Variants in INPP4B observed in about 807,000 individuals in gnomAD.
The protein encoded by INPP4B is inositol polyphosphate-4-phosphatase type II B.
INPP4B carries 55 observed loss-of-function variants against 122.5 expected under a neutral mutation model. The observed-to-expected ratio is 0.45, with a 90% CI of 0.36 to 0.56. The LOEUF (loss-of-function observed/expected upper bound fraction) is 0.56. INPP4B is among the 20% of genes least tolerant of loss of function. The pLI, the probability that INPP4B is intolerant of heterozygous loss-of-function variation, is 0.00. For synonymous variants in INPP4B, 403 were observed against 388.7 expected, an observed-to-expected ratio of 1.04 and a Z score of -0.43; for missense variants, 1,000 against 1,097.7, an observed-to-expected ratio of 0.91 and a Z score of 1.26.
chr4:142,492,768 A>G (rs920271385), intron 2 of INPP4B, among the ~76,000 whole-genome samples: 3 of 152,196 alleles, frequency 2.0e-5, no homozygotes, highest in African/African-American at 7.2e-5. Flanking sequence ...TCAGGATGCA[A>G]TAGAAAAGAA....
intron 15 of INPP4B, among the ~76,000 whole-genome samples, chr4:142,180,759 A>C (rs931432283): frequency 6.6e-6 from 1 of 152,184 alleles, no homozygotes; most frequent in African/African-American, 2.4e-5. Context: ...AAATTTGGAA[A>C]AATTAAAATG....
chr4:142,465,320 C>A (rs919381677), intron 2 of INPP4B, among the ~76,000 whole-genome samples: 1 of 151,974 alleles, frequency 6.6e-6, no homozygotes, highest in Non-Finnish European at 1.5e-5. Context: ...TTACTAAAAC[C>A]CAATGAAGTG....
chr4:142,814,704 T>C (rs891720300), intron 1 of INPP4B, among the ~76,000 whole-genome samples: 4 of 152,084 alleles, frequency 2.6e-5, no homozygotes, highest in Admixed American at 6.6e-5. Context: ...TAAAGTAGTA[T>C]GCAATTATAA....
chr4:142,156,729 T>C (rs1237135960), intron 17 of INPP4B, among the ~76,000 whole-genome samples: 1 of 152,098 alleles, frequency 6.6e-6, no homozygotes, highest in Non-Finnish European at 1.5e-5. Flanking sequence ...ACAAAACAAG[T>C]TGAAAAGAGA....
intron 1 of INPP4B, among the ~76,000 whole-genome samples, chr4:142,788,760 T>C (rs577303337): frequency 3.3e-5 from 5 of 152,244 alleles, no homozygotes; most frequent in African/African-American, 1.2e-4. Flanking sequence ...AGAATAATAG[T>C]CTCCAATCTC....
intron 18 of INPP4B, among the ~76,000 whole-genome samples, chr4:142,144,141 C>T (rs187909961): frequency 1.1e-4 from 17 of 151,484 alleles, no homozygotes; most frequent in East Asian, 2.0e-4. Context: ...TCTAATCTTA[C>T]GGCTGATTTA....
At chr4:142,710,449 A>G (rs1314530555) in intron 2 of INPP4B, among the ~76,000 whole-genome samples, 7 of 152,204 alleles carry the variant, frequency 4.6e-5, no homozygotes, top group Non-Finnish European at 1.5e-5. Flanking sequence ...ACATATGATC[A>G]TGTTTTTGAA....
intron 2 of INPP4B, among the ~76,000 whole-genome samples, chr4:142,517,379 A>C (rs561708388): frequency 6.6e-6 from 1 of 152,224 alleles, no homozygotes; most frequent in Admixed American, 6.5e-5. Flanking sequence ...GCCTTGGTTC[A>C]GGTGTTGTAA....
chr4:142,620,766 C>A (rs1173370407), intron 2 of INPP4B, among the ~76,000 whole-genome samples: 1 of 151,938 alleles, frequency 6.6e-6, no homozygotes, highest in Non-Finnish European at 1.5e-5. Context: ...TTCAAGTTTT[C>A]AGATTTTGTT....
chr4:142,613,387 A>G (rs112398238), intron 2 of INPP4B, among the ~76,000 whole-genome samples: 3 of 152,344 alleles, frequency 2.0e-5, no homozygotes, highest in African/African-American at 4.8e-5. Context: ...AGGATATACA[A>G]TAAAATAGTT....
chr4:142,626,382 A>G (rs1746405951), intron 2 of INPP4B, among the ~76,000 whole-genome samples: 2 of 151,988 alleles, frequency 1.3e-5, no homozygotes, highest in Admixed American at 6.6e-5. Context: ...ATTTGACATG[A>G]GAGATTCTCC....
chr4:142,270,100 CTG>C (rs751544562), intron 10 of INPP4B, among the ~76,000 whole-genome samples: 118 of 152,272 alleles, frequency 7.7e-4, no homozygotes, highest in Non-Finnish European at 1.2e-3. Context: ...GGCCTTTATT[CTG>C]TGTTTCAGGA....
At chr4:142,036,522 T>C (rs970150420) in intron 25 of INPP4B, among the ~76,000 whole-genome samples, 3 of 152,204 alleles carry the variant, frequency 2.0e-5, no homozygotes, top group African/African-American at 7.2e-5. Context: ...GAAAATATCT[T>C]AGAATGGTCC....
At chr4:142,705,302 C>T (rs982824095) in intron 2 of INPP4B, among the ~76,000 whole-genome samples, 2 of 152,170 alleles carry the variant, frequency 1.3e-5, no homozygotes, top group Admixed American at 6.5e-5. Context: ...GGCTTTCAAT[C>T]CTGCACATTC....
rs1425855139 is a variant in INPP4B, at chr4:142,720,532, CT to C, written c.-191+5306del. Among the ~76,000 whole-genome samples, 4 of 151,792 alleles carry C rather than the reference CT, an allele frequency of 2.6e-5. No individual in the cohort carries two copies. In the East Asian group the frequency reaches 5.8e-4, roughly 22 times the overall value. On this transcript the variant is annotated intron_variant, in intron 2 of 25. Transcript: ENST00000262992. ...TAACCTATGCACATCCTCCCAGACA[CT>C]TTATATCATCTCTAGATTATAATAC... is the stretch of plus-strand genomic sequence containing the variant.
rs372237653 is a variant in INPP4B at position 142,431,262 on chromosome 4, T to C, written c.-3A>G. 5.8e-5 allele frequency: 93 copies of C among 1,611,896 alleles called. No individual in the cohort carries two copies. Among genetic ancestry groups the C allele is most frequent in the Non-Finnish European group, 7.8e-5 (92 of 1,178,312 alleles). ...GCCCCTTCCTCTTTAATTTCCATGA[T>C]CAACCTTCACAGTTTTAAAATTTTC... On this transcript the variant is annotated 5_prime_UTR_variant, in exon 4 of 26. Transcript: ENST00000262992.
At chr4:142,299,775 A>C (rs985146995) in intron 9 of INPP4B, among the ~76,000 whole-genome samples, 1 of 152,044 alleles carries the variant, frequency 6.6e-6, no homozygotes. Flanking sequence ...AGATCATTAG[A>C]ATCTTACTTT....
At chr4:142,788,673 G>T (rs536591872) in intron 1 of INPP4B, among the ~76,000 whole-genome samples, 1 of 151,862 alleles carries the variant, frequency 6.6e-6, no homozygotes, top group African/African-American at 2.4e-5. Flanking sequence ...TTGTTCCCTC[G>T]CATGCTCATA....
Position 142,405,190 on chromosome 4 carries a change from G to T in INPP4B, c.255+16C>A. 3.0e-6 allele frequency: 4 copies of T among 1,333,752 alleles called. No individual in the cohort carries two copies. The highest frequency in any genetic ancestry group is 4.3e-6 in the Non-Finnish European group (4 of 928,616). The allele number at this position is 1,333,752 out of a possible 1,614,324, so 82.6% of individuals were successfully genotyped here. A position where few individuals can be genotyped will look rare whatever the true frequency, so the allele number is the denominator to read the frequency against. On this transcript the variant is annotated intron_variant, in intron 6 of 25. Coordinates refer to ENST00000262992, the MANE Select transcript of INPP4B (RefSeq NM_001101669.3). ...GAGAGAGAGAGAGAGATTAATGTAG[G>T]CACACAGCATCTCACCTCCACAATT...
Sources: gnomAD v4.1 joint callset for allele counts (sites outside exome capture counted in the v4.1 genomes callset) on GRCh38, gnomAD v4.1.1 for gene constraint, MANE v1.5 for transcripts, NCBI Gene and HGNC (gene_info 2026-07-23, HGNC 2026-07-21) for gene names.